KXD1: variants seen among roughly 807,000 people sequenced by gnomAD.
KXD1 encodes KxDL motif containing 1, also known as kxDL motif-containing protein 1.
Under a neutral mutation model 12.1 loss-of-function variants are expected in KXD1, and 5 were observed. The observed-to-expected ratio is 0.41, with a 90% confidence interval of 0.22 to 0.87. The LOEUF is 0.87. Among genes scored for constraint, KXD1 ranks in the 40% least tolerant of loss-of-function variants. The pLI is 0.31. For missense variants in KXD1, 193 were observed against 244.9 expected, an observed-to-expected ratio of 0.79 and a Z score of 1.41; for synonymous variants, 98 against 100.5, an observed-to-expected ratio of 0.98 and a Z score of 0.15.
intron 4 of KXD1, 134 bp downstream of exon 4, chr19:18,567,312 TG>T: frequency 2.2e-6 from 2 of 902,188 alleles, no homozygotes; most frequent in Non-Finnish European, 3.6e-6. Context: ...AAACCTGGGG[TG>T]GGGGCAGGGT....
At chr19:18,559,064 T>G (rs1977031168) in intron 1 of KXD1, 1 of 143,762 alleles carries the variant, frequency 7.0e-6, no homozygotes, top group Non-Finnish European at 1.5e-5. Flanking sequence ...TTTGGCTCAT[T>G]GCAACCTCTG....
chr19:18,563,045 T>C (rs1600570024), intron 2 of KXD1, among the ~76,000 whole-genome samples: 1 of 152,342 alleles, frequency 6.6e-6, no homozygotes, highest in East Asian at 1.9e-4. Flanking sequence ...ACGAGATTTT[T>C]TTTGTGATTT....
At chr19:18,563,869 G>T (rs761588151) in intron 2 of KXD1, among the ~76,000 whole-genome samples, 27 of 151,300 alleles carry the variant, frequency 1.8e-4, no homozygotes, top group South Asian at 1.0e-3. Flanking sequence ...GATCCACCCT[G>T]CCTCAACCTC....
chr19:18,568,762 C>A lies in KXD1; in HGVS notation c.*131C>A. ...CTGTCACCCAGGGCTCCTAGGGGGA[C>A]AAGGCTCTCTCCCGAGGGGTGTGGA... On this transcript the variant is annotated 3_prime_UTR_variant, in exon 5 of 5. Coordinates refer to ENST00000222307, the MANE Select transcript of KXD1 (RefSeq NM_024069.4). 1 of 671,924 alleles carries A rather than the reference C, an allele frequency of 1.5e-6. No individual in the cohort carries two copies. The highest frequency in any genetic ancestry group is 2.8e-5 in the Admixed American group (1 of 36,174). The allele number at this position is 671,924 out of a possible 1,614,324, so 41.6% of individuals were successfully genotyped here.
rs761798314 is a variant in KXD1 at position 18,562,158 on chromosome 19, G to A, written c.101+1G>A. ...CCATCATCCTGGCCCAGAAGAACATGTGAGTGGCGGCTGGGGGACCTGAGC... is the reference window on the plus strand; with the variant it reads ...CCATCATCCTGGCCCAGAAGAACATATGAGTGGCGGCTGGGGGACCTGAGC... On this transcript the variant is annotated splice_donor_variant, in intron 2 of 4. Coordinates refer to ENST00000222307, the MANE Select transcript of KXD1 (RefSeq NM_024069.4). LOFTEE classifies it high-confidence loss of function. 6.3e-7 allele frequency: 1 copy of A among 1,597,988 alleles called. No homozygotes were observed. Among genetic ancestry groups the A allele is most frequent in the Non-Finnish European group, 8.5e-7 (1 of 1,171,670 alleles).
In KXD1 at chr19:18,564,914, C is replaced by T; in HGVS notation, c.147C>T (p.Asn49=). The T allele has an allele frequency of 6.2e-7, 1 of 1,613,800 alleles. No individual in the cohort carries two copies. The highest frequency in any genetic ancestry group is 1.1e-5 in the South Asian group (1 of 91,086). ...EKTNEMLLNF[N]NLSSARLQQM... is the part of the protein sequence containing the mutation. ...CCAATGAGATGCTGCTCAACTTCAA[C>T]AACCTGTCCAGTGCCCGCCTGCAGC... The change falls in exon 3 of 5, where the codon AAC becomes AAT. Residue 49 remains asparagine (N), a synonymous_variant. Transcript: ENST00000222307.
At chr19:18,560,887 A>G (rs1393678086) in intron 1 of KXD1, among the ~76,000 whole-genome samples, 2 of 151,814 alleles carry the variant, frequency 1.3e-5, no homozygotes, top group Non-Finnish European at 2.9e-5. Context: ...TTGTATTTTT[A>G]GTAGAGATGG....
intron 4 of KXD1, 183 bp downstream of exon 4, chr19:18,567,361 T>C (rs1360697573): frequency 1.4e-5 from 9 of 657,624 alleles, no homozygotes; most frequent in Admixed American, 2.4e-5. Context: ...GCTGGCAGAG[T>C]GGGCACTAGG....
intron 4 of KXD1, 88 bp downstream of exon 4, chr19:18,567,266 A>G (rs1007327548): frequency 2.2e-6 from 3 of 1,353,352 alleles, no homozygotes; most frequent in African/African-American, 2.9e-5. Context: ...GGGGCCTGAT[A>G]CTGAGACCAG....
At chr19:18,563,414 G>C (rs1463614181) in intron 2 of KXD1, among the ~76,000 whole-genome samples, 1 of 145,702 alleles carries the variant, frequency 6.9e-6, no homozygotes, top group Non-Finnish European at 1.5e-5. Flanking sequence ...TAGCATAATT[G>C]CTGCTCACTA....
chr19:18,567,415 G>T, intron 4 of KXD1: 1 of 666,484 alleles, frequency 1.5e-6, no homozygotes. Flanking sequence ...GGAGAATGTG[G>T]ATAAGCAGCA....
rs1975405275 is a variant in KXD1, at chr19:18,569,286, G to T, written c.*655G>T. The T allele has an allele frequency of 6.6e-6, 1 of 152,670 alleles. No homozygotes were observed. The highest frequency in any genetic ancestry group is 1.5e-5 in the Non-Finnish European group (1 of 68,122). The allele number at this position is 152,670 out of a possible 1,614,324, so 9.5% of individuals were successfully genotyped here. A position where few individuals can be genotyped will look rare whatever the true frequency, so the allele number is the denominator to read the frequency against. ...CCATGGAGCAAACGGAGCCACCTCG[G>T]GAAAGAGTTTAATGGAATATTTTTG... On this transcript the variant is annotated 3_prime_UTR_variant, in exon 5 of 5. Coordinates refer to ENST00000222307, the MANE Select transcript of KXD1 (RefSeq NM_024069.4).
At chr19:18,565,061 C>T (rs1310368426) in intron 3 of KXD1, 40 bp downstream of exon 3, 61 of 1,589,942 alleles carry the variant, frequency 3.8e-5, no homozygotes, top group Non-Finnish European at 5.2e-5. Flanking sequence ...TGACCTCTGC[C>T]TCCACCTCCC....
chr19:18,568,278 A>G (rs1209259738), intron 4 of KXD1, 124 bp from the exon 5 acceptor site: 2 of 685,434 alleles, frequency 2.9e-6, no homozygotes, highest in Non-Finnish European at 5.1e-6. Flanking sequence ...AAAAAAAAAA[A>G]AAAAAGGGTC....
At chr19:18,567,049 T>C (rs1367201572) in intron 3 of KXD1, 83 bp from the exon 4 acceptor site, 14 of 1,318,090 alleles carry the variant, frequency 1.1e-5, no homozygotes, top group Middle Eastern at 3.8e-4. Context: ...TGCCCTCAGC[T>C]GGCAGCAGGG....
At position 18,568,616 on chromosome 19, in the gene KXD1, G is replaced by A. The variant is rs756968784; in HGVS notation, c.516G>A (p.Glu172=). ...INGRSQTDDE[E]MTGE is the part of the protein sequence containing the mutation. ...GCCGCAGCCAGACAGATGACGAGGA[G>A]ATGACGGGCGAATAGCCCTGCTGCC... Residue 172 remains glutamate (E), a synonymous_variant, in exon 5 of 5, where the codon GAG becomes GAA. Coordinates refer to ENST00000222307, the MANE Select transcript of KXD1 (RefSeq NM_024069.4). 5 of 1,610,318 alleles carry A rather than the reference G, an allele frequency of 3.1e-6. No individual in the cohort carries two copies. In the African/African-American group the frequency reaches 6.7e-5, roughly 21 times the overall value.
At chr19:18,563,219 T>C (rs1428681887) in intron 2 of KXD1, among the ~76,000 whole-genome samples, 1 of 152,118 alleles carries the variant, frequency 6.6e-6, no homozygotes, top group Non-Finnish European at 1.5e-5. Flanking sequence ...GCAGCTTTGT[T>C]TTTGTGTCTC....
intron 4 of KXD1, 136 bp from the exon 5 acceptor site, chr19:18,568,265 CA>C (rs397859705): frequency 0.25 from 120,421 of 483,936 alleles, 103 homozygotes; most frequent in South Asian, 0.26. Flanking sequence ...AACTCCGTCT[CA>C]AAAAAAAAAA....
chr19:18,563,639 G>A (rs2145231753), intron 2 of KXD1, among the ~76,000 whole-genome samples: 1 of 152,138 alleles, frequency 6.6e-6, no homozygotes. Context: ...AAGTAGCTGG[G>A]ACTACAGGTG....
Sources: allele counts gnomAD v4.1 joint callset (sites outside exome capture counted in the v4.1 genomes callset), GRCh38; gene constraint gnomAD v4.1.1; transcripts MANE v1.5; gene names NCBI Gene and HGNC (gene_info 2026-07-23, HGNC 2026-07-21).